Variants in CTNNA3 observed in about 807,000 individuals in gnomAD.
The protein encoded by CTNNA3 is catenin alpha-3.
Under a neutral mutation model 95.7 loss-of-function variants are expected in CTNNA3, and 76 were observed. That is an observed-to-expected ratio of 0.79 (90% confidence interval 0.66 to 0.96). The LOEUF (loss-of-function observed/expected upper bound fraction) is 0.96. CTNNA3 is among the 40% of genes least tolerant of loss of function. The pLI is 0.00. For missense variants in CTNNA3, 1,191 were observed against 1,089.8 expected (o/e 1.09, Z -1.31); for synonymous variants, 431 against 374.4 (o/e 1.15, Z -1.74).
intron 13 of CTNNA3, among the ~76,000 whole-genome samples, chr10:66,205,480 T>A (rs1285881056): frequency 1.3e-5 from 2 of 152,004 alleles, no homozygotes; most frequent in Admixed American, 1.3e-4. Flanking sequence ...ATACCTTCAA[T>A]CATTTTGCTT....
intron 13 of CTNNA3, among the ~76,000 whole-genome samples, chr10:66,199,815 T>A (rs1425690378): frequency 1.8e-3 from 133 of 75,614 alleles, no homozygotes; most frequent in African/African-American, 2.3e-3. Context: ...ATTTTTTTTT[T>A]TTTTTTTTTT....
At chr10:66,821,818 C>G (rs960399089) in intron 7 of CTNNA3, among the ~76,000 whole-genome samples, 1 of 152,114 alleles carries the variant, frequency 6.6e-6, no homozygotes, top group Non-Finnish European at 1.5e-5. Context: ...ACACCATTTG[C>G]TCTAGTCAAC....
chr10:65,969,906 T>C (rs3000935), intron 16 of CTNNA3, among the ~76,000 whole-genome samples: 28,929 of 151,718 alleles, frequency 0.19, 2,922 homozygotes, highest in South Asian at 0.29. Flanking sequence ...CATCTAGATA[T>C]AAGAAATCCA....
At chr10:66,065,314 T>A (rs2080292442) in intron 15 of CTNNA3, among the ~76,000 whole-genome samples, 1 of 152,026 alleles carries the variant, frequency 6.6e-6, no homozygotes, top group Non-Finnish European at 1.5e-5. Context: ...ATTCCCCTTT[T>A]ACAATTTCAT....
intron 5 of CTNNA3, among the ~76,000 whole-genome samples, chr10:67,411,940 T>A (rs1403712214): frequency 6.6e-6 from 1 of 152,088 alleles, no homozygotes; most frequent in East Asian, 1.9e-4. Context: ...TTAACTTTGG[T>A]GATAAAAAAA....
At chr10:66,736,306 C>T (rs1379625537) in intron 9 of CTNNA3, among the ~76,000 whole-genome samples, 2 of 152,094 alleles carry the variant, frequency 1.3e-5, no homozygotes, top group Non-Finnish European at 1.5e-5. Flanking sequence ...CTGCCTCAGC[C>T]TCCCGAGTAG....
intron 4 of CTNNA3, among the ~76,000 whole-genome samples, chr10:67,529,030 C>T (rs967215870): frequency 6.6e-6 from 1 of 151,902 alleles, no homozygotes; most frequent in East Asian, 1.9e-4. Context: ...GTTCTCACTA[C>T]CAAAAATTGA....
intron 13 of CTNNA3, among the ~76,000 whole-genome samples, chr10:66,134,660 A>G (rs1295967395): frequency 6.6e-6 from 1 of 152,154 alleles, no homozygotes; most frequent in Admixed American, 6.5e-5. Context: ...ATGGTTAACT[A>G]CAAGATGCAG....
chr10:66,444,795 T>C (rs2093405851), intron 11 of CTNNA3, among the ~76,000 whole-genome samples: 1 of 152,152 alleles, frequency 6.6e-6, no homozygotes, highest in Non-Finnish European at 1.5e-5. Context: ...GCTAACATCA[T>C]AATGAACAGG....
chr10:67,108,735 AT>A (rs1259535774), intron 7 of CTNNA3, among the ~76,000 whole-genome samples: 1 of 152,144 alleles, frequency 6.6e-6, no homozygotes, highest in African/African-American at 2.4e-5. Context: ...CCTAACTAAA[AT>A]TTAGAAGTCT....
At chr10:67,185,392 C>T (rs1362444314) in intron 6 of CTNNA3, among the ~76,000 whole-genome samples, 1 of 152,088 alleles carries the variant, frequency 6.6e-6, no homozygotes, top group Non-Finnish European at 1.5e-5. Flanking sequence ...TCCCAAAGTG[C>T]TGGGATTACA....
At chr10:66,507,308 A>G (rs1417672608) in intron 11 of CTNNA3, among the ~76,000 whole-genome samples, 1 of 152,136 alleles carries the variant, frequency 6.6e-6, no homozygotes, top group Non-Finnish European at 1.5e-5. Context: ...AATTCAGGGT[A>G]ATTAAAACAT....
rs965356792 is a variant in CTNNA3 at position 67,481,321 on chromosome 10, A to G, written c.579+40521T>C. Among the ~76,000 whole-genome samples, 26 of 152,198 alleles carry G rather than the reference A, an allele frequency of 1.7e-4. 1 individual carries two copies. The highest frequency in any genetic ancestry group is 6.3e-4 in the African/African-American group (26 of 41,462). On this transcript the variant is annotated intron_variant, in intron 5 of 17. Transcript: ENST00000433211. ...AGAAATAAAATGCATCCACATAGGA[A>G]AAAAAGAATTCAAATGATCTCTCTT... is the stretch of plus-strand genomic sequence containing the variant.
rs535718045 is a variant in CTNNA3, at chr10:66,743,334, A to G, written c.1281+22930T>C. On this transcript the variant is annotated intron_variant, in intron 9 of 17. Transcript: ENST00000433211. ...TAGAATTAGAGGAAAAGATCGTACA[A>G]ATTTACCCTCTGCAAATAAAATTAA... Among the ~76,000 whole-genome samples the G allele has an allele frequency of 3.9e-5, 6 of 152,314 alleles. No homozygotes were observed. In the East Asian group the frequency reaches 1.2e-3, roughly 29 times the overall value.
chr10:66,715,096 G>T (rs1848410330), intron 9 of CTNNA3, among the ~76,000 whole-genome samples: 1 of 152,030 alleles, frequency 6.6e-6, no homozygotes, highest in Admixed American at 6.6e-5. Context: ...CATCTTTCCA[G>T]ATCAAGCTCA....
intron 7 of CTNNA3, among the ~76,000 whole-genome samples, chr10:66,949,845 T>C (rs17297327): frequency 2.0e-5 from 3 of 151,990 alleles, no homozygotes; most frequent in Admixed American, 6.6e-5. Context: ...TAACAATGTG[T>C]GCAGAGAGGA....
At chr10:67,427,276 T>C (rs1845953383) in intron 5 of CTNNA3, among the ~76,000 whole-genome samples, 1 of 152,012 alleles carries the variant, frequency 6.6e-6, no homozygotes, top group Non-Finnish European at 1.5e-5. Flanking sequence ...ATCTGCTTCA[T>C]ATACAACTGT....
chr10:67,097,068 C>T (rs554894181), intron 7 of CTNNA3, among the ~76,000 whole-genome samples: 1 of 151,824 alleles, frequency 6.6e-6, no homozygotes, highest in Non-Finnish European at 1.5e-5. Context: ...ACTTGTAAGA[C>T]ATGTGGATTC....
At chr10:67,297,101 G>A (rs1268216687) in intron 5 of CTNNA3, among the ~76,000 whole-genome samples, 1 of 152,030 alleles carries the variant, frequency 6.6e-6, no homozygotes, top group African/African-American at 2.4e-5. Context: ...CATTGTACGT[G>A]GACTCTCTGA....
Sources: gnomAD v4.1 joint callset for allele counts (sites outside exome capture counted in the v4.1 genomes callset) on GRCh38, gnomAD v4.1.1 for gene constraint, MANE v1.5 for transcripts, NCBI Gene and HGNC (gene_info 2026-07-23, HGNC 2026-07-21) for gene names.